Variants in CBLN2 observed in about 807,000 individuals in gnomAD.
CBLN2 encodes the protein cerebellin 2 precursor.
Under a neutral mutation model 15.0 loss-of-function variants are expected in CBLN2, and 7 were observed. The observed-to-expected ratio is 0.47, with a 90% confidence interval of 0.27 to 0.88. The LOEUF (loss-of-function observed/expected upper bound fraction) is 0.88. Among genes scored for constraint, CBLN2 ranks in the 40% least tolerant of loss-of-function variants. The pLI is 0.14. For synonymous variants in CBLN2, 149 were observed against 135.2 expected, an observed-to-expected ratio of 1.10 and a Z score of -0.71; for missense variants, 242 against 304.5, an observed-to-expected ratio of 0.79 and a Z score of 1.53.
At chr18:72,547,121 C>T (rs1291277222), upstream of CBLN2, among the ~76,000 whole-genome samples, 1 of 117,992 alleles carries the variant, frequency 8.5e-6, no homozygotes, top group Non-Finnish European at 1.7e-5. Flanking sequence ...CACACACACA[C>T]ACACACACAC....
chr18:72,589,964 C>T (rs2144928939), intron 1 of CBLN2, among the ~76,000 whole-genome samples: 1 of 152,068 alleles, frequency 6.6e-6, no homozygotes, highest in Non-Finnish European at 1.5e-5. Context: ...GAAACCCTAT[C>T]TCTACTAAAA....
At chr18:72,630,335 T>C (rs2069766586) in intron 1 of CBLN2, among the ~76,000 whole-genome samples, 1 of 152,132 alleles carries the variant, frequency 6.6e-6, no homozygotes, top group African/African-American at 2.4e-5. Flanking sequence ...TTTAGCATTA[T>C]AATTGTCTTT....
chr18:72,574,624 C>A (rs1457775045), intron 1 of CBLN2, among the ~76,000 whole-genome samples: 1 of 152,064 alleles, frequency 6.6e-6, no homozygotes, highest in African/African-American at 2.4e-5. Context: ...AGCAGGAATG[C>A]AAAGTATATG....
At chr18:72,542,610 C>T (rs993125780) in intron 2 of CBLN2, among the ~76,000 whole-genome samples, 3 of 152,138 alleles carry the variant, frequency 2.0e-5, no homozygotes. Context: ...CCCCGAGACC[C>T]TCAGAAGGCG....
chr18:72,628,543 C>T (rs1358135967), intron 1 of CBLN2, among the ~76,000 whole-genome samples: 1 of 152,144 alleles, frequency 6.6e-6, no homozygotes. Flanking sequence ...CTCCTTCCCA[C>T]CTCACAGTAA....
intron 1 of CBLN2, among the ~76,000 whole-genome samples, chr18:72,634,747 A>C (rs975578763): frequency 4.6e-5 from 7 of 152,118 alleles, no homozygotes; most frequent in Non-Finnish European, 1.0e-4. Flanking sequence ...GCTCAAATAA[A>C]ATTTTACAGC....
chr18:72,637,050 A>AAC (rs2069817860), intron 1 of CBLN2, among the ~76,000 whole-genome samples: 2 of 152,022 alleles, frequency 1.3e-5, no homozygotes, highest in Non-Finnish European at 2.9e-5. Flanking sequence ...GCAAAAAAAA[A>AAC]AAAAACCCAG....
intron 1 of CBLN2, among the ~76,000 whole-genome samples, chr18:72,637,827 A>C (rs1599034312): frequency 6.6e-6 from 1 of 152,338 alleles, no homozygotes; most frequent in East Asian, 1.9e-4. Context: ...AAATAAGATA[A>C]TTTCCAAGAG....
At chr18:72,611,951 T>C (rs2069625272) in intron 1 of CBLN2, among the ~76,000 whole-genome samples, 1 of 152,214 alleles carries the variant, frequency 6.6e-6, no homozygotes, top group African/African-American at 2.4e-5. Context: ...TTCATTCTTC[T>C]ATATATGGCT....
chr18:72,593,124 T>C (rs559086397), intron 1 of CBLN2, among the ~76,000 whole-genome samples: 4 of 152,280 alleles, frequency 2.6e-5, no homozygotes, highest in South Asian at 4.1e-4. Context: ...TTCACGAATA[T>C]GCAATATCTT....
At chr18:72,608,247 A>C (rs1320483303) in intron 1 of CBLN2, among the ~76,000 whole-genome samples, 3 of 152,120 alleles carry the variant, frequency 2.0e-5, no homozygotes, top group Non-Finnish European at 4.4e-5. Context: ...AACACTGTAC[A>C]TTTCTGTTTT....
chr18:72,588,979 C>T (rs2069460582), intron 1 of CBLN2, among the ~76,000 whole-genome samples: 1 of 152,132 alleles, frequency 6.6e-6, no homozygotes, highest in South Asian at 2.1e-4. Flanking sequence ...TTCTTAGGAG[C>T]TAGAAAACAT....
At chr18:72,589,417 A>G (rs1388537708) in intron 1 of CBLN2, among the ~76,000 whole-genome samples, 1 of 152,198 alleles carries the variant, frequency 6.6e-6, no homozygotes, top group Non-Finnish European at 1.5e-5. Flanking sequence ...TGGTCCCTCC[A>G]GTGGTGTAAC....
chr18:72,595,575 T>C (rs2069508188), intron 1 of CBLN2, among the ~76,000 whole-genome samples: 1 of 152,140 alleles, frequency 6.6e-6, no homozygotes, highest in Admixed American at 6.5e-5. Context: ...TGTTTCTTTA[T>C]TGATTTTCTG....
At chr18:72,624,137 C>T (rs997273109) in intron 1 of CBLN2, among the ~76,000 whole-genome samples, 5 of 151,986 alleles carry the variant, frequency 3.3e-5, no homozygotes, top group Admixed American at 6.6e-5. Flanking sequence ...GGAGGACTAA[C>T]GCTGAATTTG....
At chr18:72,558,342 G>C (rs1002573) in intron 1 of CBLN2, among the ~76,000 whole-genome samples, 13,263 of 152,220 alleles carry the variant, frequency 0.087, 1,314 homozygotes, top group African/African-American at 0.24. Context: ...TCATAGCTAG[G>C]AGACATAATA....
chr18:72,598,617 C>T (rs1200785381), intron 1 of CBLN2, among the ~76,000 whole-genome samples: 1 of 152,212 alleles, frequency 6.6e-6, no homozygotes, highest in Non-Finnish European at 1.5e-5. Flanking sequence ...CAGTTCAGCA[C>T]TAGGACTCAT....
In CBLN2 at chr18:72,538,349, G is replaced by A. The variant is rs932076837; in HGVS notation, c.502C>T (p.Pro168Ser). Reference protein sequence around the residue: ...IQVSLMQNGYPVISAFAGDQD... With the variant: ...IQVSLMQNGYSVISAFAGDQD... ...TCTCCTGCAAAGGCCGAGATCACTG[G>A]GTAGCCATTCTGCATTAAACTGACC... Residue 168 changes from proline to serine, a missense_variant, in exon 5 of 5, where the codon CCA (proline) becomes TCA (serine). Pro to Ser is a moderately conservative substitution (Grantham distance 74, BLOSUM62 -1). Around this residue, in one of 4 missense-constraint regions of CBLN2, gnomAD observed 26 missense variants for 70.3 expected, o/e 0.37. Coordinates refer to ENST00000269503, the MANE Select transcript of CBLN2 (RefSeq NM_182511.4). The A allele has an allele frequency of 1.2e-6, 2 of 1,614,118 alleles. No homozygotes were observed. The highest frequency in any genetic ancestry group is 2.7e-5 in the African/African-American group (2 of 75,024).
intron 1 of CBLN2, among the ~76,000 whole-genome samples, chr18:72,627,142 G>T (rs1190237613): frequency 6.6e-6 from 1 of 152,156 alleles, no homozygotes; most frequent in Non-Finnish European, 1.5e-5. Flanking sequence ...CATATCCATT[G>T]AATATTCAAG....
Sources: gnomAD v4.1 joint callset for allele counts (sites outside exome capture counted in the v4.1 genomes callset) on GRCh38, gnomAD v4.1.1 for gene constraint, gnomAD v4.1.1 regional missense constraint, MANE v1.5 for transcripts, NCBI Gene and HGNC (gene_info 2026-07-23, HGNC 2026-07-21) for gene names.